The following PTGES variants were observed in gnomAD, a reference collection of about 807,000 sequenced individuals.
PTGES encodes MGST1-like 1.
In PTGES, 3 loss-of-function variants were observed where a neutral mutation model predicts 11.8. The observed-to-expected ratio is 0.25, with a 90% confidence interval of 0.12 to 0.66. The LOEUF (loss-of-function observed/expected upper bound fraction) is 0.66. Ranked by LOEUF, PTGES falls within the 30% of genes least tolerant of loss-of-function variation. PTGES has a pLI of 0.82. For synonymous variants in PTGES, 94 were observed against 90.4 expected (o/e 1.04, Z -0.22); for missense variants, 180 against 213.0 (o/e 0.85, Z 0.96).
At position 129,739,122 on chromosome 9, in the gene PTGES, A is replaced by G. The variant is rs199926616; in HGVS notation, c.*489T>C. ...ACTCCAGCTTGGGCAACAGAGCAAG[A>G]CTCTGTCTTGGAAAAAAAAAAATAC... is the stretch of plus-strand genomic sequence containing the variant. On this transcript the variant is annotated 3_prime_UTR_variant, in exon 3 of 3. Coordinates refer to ENST00000340607, the MANE Select transcript of PTGES (RefSeq NM_004878.5). This position sits in a 1 kb window ranked among gnomAD's most constrained non-coding sequence, Gnocchi z 5.7. 3.7e-5 allele frequency: 6 copies of G among 162,292 alleles called. No individual in the cohort carries two copies. The highest frequency in any genetic ancestry group is 3.2e-3 in the Middle Eastern group (1 of 312). The allele number at this position is 162,292 out of a possible 1,614,324, so 10.1% of individuals were successfully genotyped here. A position where few individuals can be genotyped will look rare whatever the true frequency, so the allele number is the denominator to read the frequency against.
In PTGES at chr9:129,739,985, T is replaced by C; in HGVS notation, c.210-125A>G. The stretch of plus-strand genomic sequence containing the variant: ...GGGTCATTTCAGGCATATCACACAC[T>C]CAAATCCATTCACAGCCAGGTCAAG... On this transcript the variant is annotated intron_variant, in intron 2 of 2. Transcript: ENST00000340607. This position sits in a 1 kb window ranked among gnomAD's most constrained non-coding sequence, Gnocchi z 5.7. The C allele has an allele frequency of 8.6e-7, 1 of 1,162,974 alleles. No individual in the cohort carries two copies. The highest frequency in any genetic ancestry group is 1.2e-6 in the Non-Finnish European group (1 of 835,566). 72.0% of individuals were successfully genotyped at this position (1,162,974 alleles called of 1,614,324 possible).
intron 2 of PTGES, among the ~76,000 whole-genome samples, chr9:129,746,696 G>C (rs764299550): frequency 3.3e-5 from 5 of 152,130 alleles, no homozygotes; most frequent in Non-Finnish European, 7.3e-5. Flanking sequence ...CCATGAGACA[G>C]TTTGTCTCCG....
chr9:129,745,868 A>G lies in PTGES; in HGVS notation c.209+2787T>C, dbSNP rs1362533440. 6.7e-6 allele frequency among the ~76,000 whole-genome samples: 1 copy of G among 148,158 alleles called. No homozygotes were observed. Among genetic ancestry groups the G allele is most frequent in the African/African-American group, 2.5e-5 (1 of 40,248 alleles). ...AACATGGTGAAACTCTGTCTCTACT[A>G]AAAAAAAAATACAAAAATTAGCTGG... On this transcript the variant is annotated intron_variant, in intron 2 of 2. Transcript: ENST00000340607. This position sits in a 1 kb window ranked among gnomAD's most constrained non-coding sequence, Gnocchi z 4.2.
At chr9:129,741,098 A>G (rs897883160) in intron 2 of PTGES, among the ~76,000 whole-genome samples, 1 of 152,112 alleles carries the variant, frequency 6.6e-6, no homozygotes, top group African/African-American at 2.4e-5. Flanking sequence ...GCCACCCCAC[A>G]CTGTAGGAAG....
At chr9:129,746,999 G>A (rs989740036) in intron 2 of PTGES, among the ~76,000 whole-genome samples, 2 of 152,112 alleles carry the variant, frequency 1.3e-5, no homozygotes, top group Non-Finnish European at 2.9e-5. Context: ...TGCAACCTCC[G>A]CCTCCTGGGT....
rs371628430 is a variant in PTGES at position 129,751,688 on chromosome 9, C to T, written c.126+1199G>A. Among the ~76,000 whole-genome samples the T allele has an allele frequency of 6.5e-4, 99 of 152,152 alleles. No homozygotes were observed. In the South Asian group the frequency reaches 0.019, roughly 30 times the overall value. ...AAAAAAAAAACAAAACAGAAACCCC[C>T]GCCTCCAAGACAGGATGTGGGCTCT... On this transcript the variant is annotated intron_variant, in intron 1 of 2. Coordinates refer to ENST00000340607, the MANE Select transcript of PTGES (RefSeq NM_004878.5).
At chr9:129,741,829 G>A (rs1046570830) in intron 2 of PTGES, among the ~76,000 whole-genome samples, 10 of 151,746 alleles carry the variant, frequency 6.6e-5, no homozygotes, top group South Asian at 2.1e-4. Context: ...CACCTGAACC[G>A]GGCAGGTGGA....
At chr9:129,743,979 G>A (rs1434565624) in intron 2 of PTGES, among the ~76,000 whole-genome samples, 2 of 152,146 alleles carry the variant, frequency 1.3e-5, no homozygotes, top group African/African-American at 4.8e-5. Context: ...CTCCTGAGTA[G>A]CTGAGACTAC....
intron 2 of PTGES, among the ~76,000 whole-genome samples, chr9:129,741,929 AAGAG>A (rs1011932872): frequency 4.6e-5 from 7 of 151,902 alleles, no homozygotes; most frequent in African/African-American, 7.3e-5. Flanking sequence ...AATAAAATAA[AAGAG>A]AGGGAGAAAC....
chr9:129,740,127 CT>C (rs1023939565), intron 2 of PTGES, among the ~76,000 whole-genome samples: 1 of 151,994 alleles, frequency 6.6e-6, no homozygotes, highest in African/African-American at 2.4e-5. Flanking sequence ...CCAGGATGCT[CT>C]TACCATACCT....
At chr9:129,743,188 C>T (rs1047562274) in intron 2 of PTGES, among the ~76,000 whole-genome samples, 1 of 152,180 alleles carries the variant, frequency 6.6e-6, no homozygotes, top group African/African-American at 2.4e-5. Context: ...TGACTGTCAG[C>T]CCCTGGGGCT....
rs3205181 is a variant in PTGES, at chr9:129,748,681, G to A, written c.183C>T (p.Ser61=). ...LRHGGPQYCR[S]DPDVERCLRA... Reference sequence around the variant, plus strand: ...TGAGGCAGCGTTCCACGTCGGGGTCGCTCCTGCAATACTGGGGGCCTCCGT... The same window carrying A: ...TGAGGCAGCGTTCCACGTCGGGGTCACTCCTGCAATACTGGGGGCCTCCGT... The change falls in exon 2 of 3, where the codon AGC becomes AGT. Residue 61 remains serine, a synonymous_variant. Transcript: ENST00000340607. The A allele has an allele frequency of 4.6e-3, 7,281 of 1,579,712 alleles. 263 individuals are homozygous for A. The African/African-American group carries it at 0.081, about 18-fold the overall frequency.
intron 2 of PTGES, among the ~76,000 whole-genome samples, chr9:129,740,841 G>A (rs1357604794): frequency 6.6e-6 from 1 of 152,134 alleles, no homozygotes; most frequent in East Asian, 1.9e-4. Flanking sequence ...CAGTGCCCAG[G>A]GCATGACCTC....
intron 1 of PTGES, among the ~76,000 whole-genome samples, chr9:129,751,764 G>A (rs1388228055): frequency 2.0e-5 from 3 of 152,130 alleles, no homozygotes; most frequent in Non-Finnish European, 2.9e-5. Context: ...CATAAGTGAT[G>A]TCTCCTCTCT....
intron 1 of PTGES, 143 bp downstream of exon 1, chr9:129,752,744 G>T: frequency 7.9e-7 from 1 of 1,269,996 alleles, no homozygotes; most frequent in Non-Finnish European, 1.1e-6. Context: ...CTGGCAGGAA[G>T]CCCCCCGGCG....
chr9:129,741,733 C>G (rs1832996854), intron 2 of PTGES, among the ~76,000 whole-genome samples: 1 of 152,060 alleles, frequency 6.6e-6, no homozygotes, highest in Non-Finnish European at 1.5e-5. Flanking sequence ...TGGTGAAACC[C>G]TGTCTCTACT....
At chr9:129,748,383 C>T (rs755397478) in intron 2 of PTGES, among the ~76,000 whole-genome samples, 31 of 152,166 alleles carry the variant, frequency 2.0e-4, no homozygotes, top group Non-Finnish European at 3.8e-4. Context: ...AGTAGAACTG[C>T]GTAGTGCCTG....
intron 1 of PTGES, among the ~76,000 whole-genome samples, chr9:129,751,924 C>A (rs1308925575): frequency 6.6e-6 from 1 of 152,208 alleles, no homozygotes; most frequent in East Asian, 1.9e-4. Context: ...ACTTGATGCC[C>A]GGATCCCATA....
chr9:129,739,386 C>T lies in PTGES; in HGVS notation c.*225G>A. On this transcript the variant is annotated 3_prime_UTR_variant, in exon 3 of 3. Coordinates refer to ENST00000340607, the MANE Select transcript of PTGES (RefSeq NM_004878.5). The surrounding 1 kb of genome is among the most constrained non-coding windows in gnomAD (Gnocchi z 5.7). ...TCTGTCTTGAAATGGTTCCCATCAG[C>T]CACTTCGTGCAGGAATCCAAGGGGC... 1 of 590,668 alleles carries T rather than the reference C, an allele frequency of 1.7e-6. No individual in the cohort carries two copies. Among genetic ancestry groups the T allele is most frequent in the Non-Finnish European group, 2.9e-6 (1 of 343,178 alleles). 36.6% of individuals were successfully genotyped at this position (590,668 alleles called of 1,614,324 possible).
Sources: allele counts gnomAD v4.1 joint callset (sites outside exome capture counted in the v4.1 genomes callset), GRCh38; gene constraint gnomAD v4.1.1; non-coding constraint Gnocchi (gnomAD v3.1); transcripts MANE v1.5; gene names NCBI Gene and HGNC (gene_info 2026-07-23, HGNC 2026-07-21).